The following SLC1A2 variants were observed in gnomAD, a reference collection of about 807,000 sequenced individuals.
The protein encoded by SLC1A2 is excitatory amino acid transporter 2.
SLC1A2 carries 15 observed loss-of-function variants against 48.8 expected under a neutral mutation model. The ratio of observed to expected loss-of-function variants is 0.31; its 90% CI spans 0.21 to 0.47. SLC1A2 has a LOEUF of 0.47. SLC1A2 is among the 20% of genes least tolerant of loss of function. The probability of loss-of-function intolerance (pLI) is 0.99; values close to 1 mark genes in which losing one functional copy is unlikely to be tolerated. For synonymous variants in SLC1A2, 279 were observed against 272.6 expected (o/e 1.02, Z -0.23); for missense variants, 502 against 730.5 (o/e 0.69, Z 3.61).
chr11:35,374,626 G>C (rs1387576112), intron 1 of SLC1A2, among the ~76,000 whole-genome samples: 1 of 152,166 alleles, frequency 6.6e-6, no homozygotes, highest in African/African-American at 2.4e-5. Context: ...TTGTACCACA[G>C]ATAAGCAAAA....
At position 35,286,749 on chromosome 11, in the gene SLC1A2, C is replaced by T; in HGVS notation, c.1286+8G>A. On this transcript the variant is annotated splice_region_variant and intron_variant, in intron 8 of 10. Transcript: ENST00000278379. ...AGGTTGTTTTGTGTTTTACCCCACC[C>T]TTCTCACCTTACAGTCACAATCTGT... is the stretch of plus-strand genomic sequence containing the variant. 1 of 1,607,570 alleles carries T rather than the reference C, an allele frequency of 6.2e-7. No homozygotes were observed. The highest frequency in any genetic ancestry group is 1.3e-5 in the African/African-American group (1 of 74,864).
chr11:35,317,099 A>G (rs1466939561), intron 2 of SLC1A2: 1 of 365,164 alleles, frequency 2.7e-6, no homozygotes, highest in Non-Finnish European at 5.1e-6. Flanking sequence ...AGGTGGCCCA[A>G]AGCAAAGTCT....
At chr11:35,301,925 C>T (rs559190775) in intron 5 of SLC1A2, among the ~76,000 whole-genome samples, 3 of 152,340 alleles carry the variant, frequency 2.0e-5, no homozygotes, top group East Asian at 1.9e-4. Context: ...CTAAAAGGTG[C>T]TCTCTTTTCC....
intron 1 of SLC1A2, among the ~76,000 whole-genome samples, chr11:35,406,578 C>T (rs1052572539): frequency 5.3e-5 from 8 of 151,958 alleles, no homozygotes; most frequent in Admixed American, 1.3e-4. Context: ...TGGGCAAGAC[C>T]ATGGGATATC....
chr11:35,265,590 C>T lies in SLC1A2; in HGVS notation c.1590G>A (p.Arg530=). The change falls in exon 10 of 11, where the codon AGG becomes AGA. Residue 530 remains arginine (R), a synonymous_variant. Transcript: ENST00000278379. ...QSIYDDMKNH[R]ESNSNQCVYA... is the part of the protein sequence containing the mutation. ...AGACACATTGATTAGAGTTGCTTTCCCTGTGGTTCTTCATGTCATCATAAA... is the reference window on the plus strand; with the variant it reads ...AGACACATTGATTAGAGTTGCTTTCTCTGTGGTTCTTCATGTCATCATAAA... 1 of 1,612,634 alleles carries T rather than the reference C, an allele frequency of 6.2e-7. No individual in the cohort carries two copies.
chr11:35,325,913 G>A (rs1175680894), intron 1 of SLC1A2, among the ~76,000 whole-genome samples: 4 of 150,484 alleles, frequency 2.7e-5, no homozygotes, highest in Non-Finnish European at 5.9e-5. Context: ...GCAGTGAGCC[G>A]GGATCACACC....
At chr11:35,317,242 G>A in intron 2 of SLC1A2, 135 bp downstream of exon 2, 4 of 798,850 alleles carry the variant, frequency 5.0e-6, no homozygotes, top group Non-Finnish European at 7.9e-6. Flanking sequence ...ACTGAAGCCT[G>A]GGCAGACAGG....
intron 8 of SLC1A2, among the ~76,000 whole-genome samples, chr11:35,282,706 A>T (rs1356177675): frequency 3.9e-5 from 6 of 152,230 alleles, no homozygotes; most frequent in Non-Finnish European, 8.8e-5. Context: ...TGTTTTATAC[A>T]CAGCATCAGT....
intron 1 of SLC1A2, among the ~76,000 whole-genome samples, chr11:35,363,293 T>C (rs1178528356): frequency 6.6e-6 from 1 of 152,156 alleles, no homozygotes; most frequent in Non-Finnish European, 1.5e-5. Flanking sequence ...TTGGGGTTGT[T>C]CCAGACCGTG....
At chr11:35,341,306 G>A (rs1302486425) in intron 1 of SLC1A2, among the ~76,000 whole-genome samples, 1 of 152,106 alleles carries the variant, frequency 6.6e-6, no homozygotes, top group East Asian at 1.9e-4. Context: ...TTACCAACAA[G>A]TATTTAAGTA....
chr11:35,281,092 C>T, intron 8 of SLC1A2, 91 bp from the exon 9 acceptor site: 2 of 1,433,910 alleles, frequency 1.4e-6, no homozygotes, highest in South Asian at 1.5e-5. Flanking sequence ...TTCCTGCAGC[C>T]ATAAAATTCA....
At chr11:35,403,001 C>A (rs1855180456) in intron 1 of SLC1A2, among the ~76,000 whole-genome samples, 1 of 152,220 alleles carries the variant, frequency 6.6e-6, no homozygotes, top group African/African-American at 2.4e-5. Flanking sequence ...CAAGTGTTAG[C>A]AGCCTAATTT....
At chr11:35,305,123 T>C (rs1036967089) in intron 5 of SLC1A2, among the ~76,000 whole-genome samples, 7 of 152,190 alleles carry the variant, frequency 4.6e-5, no homozygotes, top group East Asian at 1.9e-4. Flanking sequence ...GGGGACACCA[T>C]TCTAGTGATG....
intron 1 of SLC1A2, among the ~76,000 whole-genome samples, chr11:35,408,982 A>G (rs1239376922): frequency 6.6e-6 from 1 of 152,238 alleles, no homozygotes; most frequent in Non-Finnish European, 1.5e-5. Flanking sequence ...TTGCTCTACA[A>G]TTGAGTCACT....
chr11:35,394,290 G>T (rs1437690210), intron 1 of SLC1A2, among the ~76,000 whole-genome samples: 1 of 151,932 alleles, frequency 6.6e-6, no homozygotes, highest in East Asian at 1.9e-4. Context: ...CATCAAAACG[G>T]GTCTCCAAAG....
intron 1 of SLC1A2, among the ~76,000 whole-genome samples, chr11:35,414,967 T>C (rs989431226): frequency 2.0e-5 from 3 of 152,170 alleles, no homozygotes; most frequent in Non-Finnish European, 4.4e-5. Context: ...CAGGGCATTG[T>C]GTGACACAGC....
intron 1 of SLC1A2, among the ~76,000 whole-genome samples, chr11:35,362,249 C>T (rs1853709065): frequency 6.6e-6 from 1 of 152,250 alleles, no homozygotes; most frequent in South Asian, 2.1e-4. Context: ...ACACACTCCT[C>T]ACCATATCTG....
At chr11:35,299,086 T>A (rs1851260249) in intron 6 of SLC1A2, 2 of 152,220 alleles carry the variant, frequency 1.3e-5, no homozygotes, top group South Asian at 4.1e-4. Context: ...ATGCCTGTAA[T>A]CCCAGTACTT....
upstream of SLC1A2, chr11:35,419,846 C>T: frequency 2.4e-6 from 1 of 414,484 alleles, no homozygotes; most frequent in South Asian, 1.7e-5. The surrounding 1 kb of genome is among the most constrained non-coding windows in gnomAD (Gnocchi z 5.4). Flanking sequence ...CTCCGCCTCC[C>T]TGGAGCAGCC....
Sources: gnomAD v4.1 joint callset for allele counts (sites outside exome capture counted in the v4.1 genomes callset) on GRCh38, gnomAD v4.1.1 for gene constraint, Gnocchi (gnomAD v3.1) non-coding constraint, MANE v1.5 for transcripts, NCBI Gene and HGNC (gene_info 2026-07-23, HGNC 2026-07-21) for gene names.